NKAIN3: variants seen among roughly 807,000 people sequenced by gnomAD.
The protein encoded by NKAIN3 is sodium/potassium transporting ATPase interacting 3, also known as sodium/potassium-transporting ATPase subunit beta-1-interacting protein 3.
A neutral mutation model predicts 30.2 loss-of-function variants in NKAIN3; 25 were observed. That is an observed-to-expected ratio of 0.83 (90% CI 0.60 to 1.16). NKAIN3 has a LOEUF of 1.16. NKAIN3 is among the 50% of genes most tolerant of loss of function. The pLI is 0.00. For missense variants in NKAIN3, 225 were observed against 254.1 expected (o/e 0.89, Z 0.78); for synonymous variants, 91 against 89.6 (o/e 1.02, Z -0.09).
At chr8:62,337,604 A>G (rs1585695779) in intron 1 of NKAIN3, among the ~76,000 whole-genome samples, 1 of 150,792 alleles carries the variant, frequency 6.6e-6, no homozygotes, top group Non-Finnish European at 1.5e-5. Context: ...CACATAACAG[A>G]CACACACTCT....
intron 4 of NKAIN3, among the ~76,000 whole-genome samples, chr8:62,908,089 A>G (rs145497346): frequency 1.2e-4 from 19 of 152,090 alleles, no homozygotes; most frequent in African/African-American, 4.6e-4. Flanking sequence ...GACCATGGGA[A>G]CCCCCTCCCT....
chr8:62,945,470 G>A (rs182338581), intron 5 of NKAIN3, among the ~76,000 whole-genome samples: 3 of 152,236 alleles, frequency 2.0e-5, no homozygotes, highest in East Asian at 1.9e-4. Context: ...TTGGTGACCC[G>A]CAGGCTTGTT....
At chr8:62,291,975 C>T (rs1047799673) in intron 1 of NKAIN3, among the ~76,000 whole-genome samples, 3 of 152,116 alleles carry the variant, frequency 2.0e-5, no homozygotes, top group African/African-American at 4.8e-5. Context: ...GAATTGATCC[C>T]TTTACCATTA....
chr8:62,733,555 G>A (rs542568335), intron 3 of NKAIN3, among the ~76,000 whole-genome samples: 41 of 152,070 alleles, frequency 2.7e-4, no homozygotes, highest in Admixed American at 7.2e-4. Context: ...TCTTGACTGC[G>A]TTTTAATAAC....
intron 5 of NKAIN3, among the ~76,000 whole-genome samples, chr8:62,918,910 T>G (rs1261585170): frequency 6.6e-6 from 1 of 150,478 alleles, no homozygotes; most frequent in East Asian, 2.0e-4. Flanking sequence ...AATAATACAT[T>G]ACAGAAAGAT....
At position 62,972,669 on chromosome 8, in the gene NKAIN3, A is replaced by G. The variant is rs528911573; in HGVS notation, c.*7262A>G. Among the ~76,000 whole-genome samples, 1 of 152,052 alleles carries G rather than the reference A, an allele frequency of 6.6e-6. No individual in the cohort carries two copies. The highest frequency in any genetic ancestry group is 1.5e-5 in the Non-Finnish European group (1 of 67,998). ...TATTTGCCAATATTCTCTATGATTTATTTACATTCTTTTTTCATATATATA... is the reference window on the plus strand; with the variant it reads ...TATTTGCCAATATTCTCTATGATTTGTTTACATTCTTTTTTCATATATATA... On this transcript the variant is annotated 3_prime_UTR_variant, in exon 7 of 7. Transcript: ENST00000623646.
At chr8:62,841,891 T>G (rs1819539084) in intron 4 of NKAIN3, among the ~76,000 whole-genome samples, 1 of 152,182 alleles carries the variant, frequency 6.6e-6, no homozygotes, top group South Asian at 2.1e-4. Context: ...CATACTGGTT[T>G]CCATAATGGC....
chr8:62,400,361 G>A (rs891173311), intron 1 of NKAIN3, among the ~76,000 whole-genome samples: 20 of 151,804 alleles, frequency 1.3e-4, no homozygotes, highest in African/African-American at 4.8e-4. Context: ...TAGTAGAGAT[G>A]GGGTTTCTCC....
At chr8:62,675,204 G>A (rs569008238) in intron 3 of NKAIN3, among the ~76,000 whole-genome samples, 2 of 152,290 alleles carry the variant, frequency 1.3e-5, no homozygotes, top group East Asian at 3.9e-4. Flanking sequence ...AGACTGCAAA[G>A]TGATGTAAAA....
At chr8:62,882,270 AT>A (rs1344319614) in intron 4 of NKAIN3, among the ~76,000 whole-genome samples, 4 of 151,872 alleles carry the variant, frequency 2.6e-5, no homozygotes, top group Admixed American at 2.0e-4. Context: ...CTTATAAATT[AT>A]TTCTTTCAAG....
chr8:62,355,954 A>G (rs1022301052), intron 1 of NKAIN3, among the ~76,000 whole-genome samples: 2 of 152,230 alleles, frequency 1.3e-5, no homozygotes, highest in African/African-American at 4.8e-5. Context: ...AAAATTAACA[A>G]TGTAGTTTGT....
At chr8:62,384,812 G>A (rs1817376909) in intron 1 of NKAIN3, among the ~76,000 whole-genome samples, 1 of 152,130 alleles carries the variant, frequency 6.6e-6, no homozygotes, top group African/African-American at 2.4e-5. Flanking sequence ...TTCAGGGACT[G>A]CAGTTCCCAA....
chr8:62,658,804 TA>T (rs1326493987), intron 3 of NKAIN3, among the ~76,000 whole-genome samples: 4 of 152,172 alleles, frequency 2.6e-5, no homozygotes, highest in Non-Finnish European at 5.9e-5. Context: ...TTCTCTTCCT[TA>T]TGCCTCCAGG....
intron 4 of NKAIN3, among the ~76,000 whole-genome samples, chr8:62,891,196 C>T (rs187542757): frequency 3.9e-5 from 6 of 152,302 alleles, no homozygotes; most frequent in Admixed American, 3.9e-4. Flanking sequence ...ACCATCCAAT[C>T]AACTGCTAGC....
chr8:62,692,796 C>T (rs918860477), intron 3 of NKAIN3, among the ~76,000 whole-genome samples: 14 of 152,228 alleles, frequency 9.2e-5, no homozygotes, highest in African/African-American at 3.4e-4. Context: ...TCATCCACTT[C>T]ATTAATTTTC....
chr8:62,786,310 T>C (rs1360087475), intron 4 of NKAIN3, among the ~76,000 whole-genome samples: 13 of 152,128 alleles, frequency 8.5e-5, no homozygotes, highest in Non-Finnish European at 4.4e-5. Context: ...TAGTACTGAA[T>C]TGTTTTTATC....
At chr8:62,628,770 G>T (rs1351187762) in intron 3 of NKAIN3, among the ~76,000 whole-genome samples, 11 of 152,048 alleles carry the variant, frequency 7.2e-5, no homozygotes, top group African/African-American at 2.7e-4. Context: ...ATAAGTAATG[G>T]TTTTAGACAA....
intron 4 of NKAIN3, among the ~76,000 whole-genome samples, chr8:62,815,222 TAATC>T: frequency 6.6e-6 from 1 of 152,148 alleles, no homozygotes; most frequent in Admixed American, 6.5e-5. Context: ...ATTTAGGCAA[TAATC>T]AATAGCTTAC....
chr8:62,447,287 T>C (rs1431797344), intron 1 of NKAIN3, among the ~76,000 whole-genome samples: 3 of 152,064 alleles, frequency 2.0e-5, no homozygotes, highest in East Asian at 3.9e-4. Context: ...GAAAATATTG[T>C]ATTTAATTTC....
Sources: allele counts gnomAD v4.1 joint callset (sites outside exome capture counted in the v4.1 genomes callset), GRCh38; gene constraint gnomAD v4.1.1; transcripts MANE v1.5; gene names NCBI Gene and HGNC (gene_info 2026-07-23, HGNC 2026-07-21).